TCEA2: variants seen among roughly 807,000 people sequenced by gnomAD.
The protein encoded by TCEA2 is transcription elongation factor A2, also known as transcription elongation factor A protein 2.
Under a neutral mutation model 40.8 loss-of-function variants are expected in TCEA2, and 21 were observed. The observed-to-expected ratio is 0.51, with a 90% CI of 0.36 to 0.74. The LOEUF is 0.74. TCEA2 is among the 30% of genes least tolerant of loss of function. TCEA2 has a pLI of 0.00. For missense variants in TCEA2, 326 were observed against 426.5 expected (o/e 0.76, Z 2.08); for synonymous variants, 165 against 162.7 (o/e 1.01, Z -0.11).
intron 1 of TCEA2, chr20:64,065,536 AGGGAGG>A (rs890266061): frequency 3.1e-5 from 3 of 96,438 alleles, no homozygotes; most frequent in Non-Finnish European, 6.4e-5. Flanking sequence ...CCCGGGAGGG[AGGGAGG>A]GAGGGAGGGA....
Position 64,068,044 on chromosome 20 carries a change from C to A in TCEA2, c.242-3C>A. ...ATCAGCCCATCCCCGATCTTTCCTG[C>A]AGATGCTTCCGATGCCAAAGCCAGG... On this transcript the variant is annotated splice_polypyrimidine_tract_variant and splice_region_variant and intron_variant, in intron 3 of 9. Transcript: ENST00000343484. 1.2e-6 allele frequency: 2 copies of A among 1,604,112 alleles called. No individual in the cohort carries two copies. The highest frequency in any genetic ancestry group is 1.3e-5 in the African/African-American group (1 of 74,812).
At chr20:64,061,619 C>T (rs550825286), upstream of TCEA2, among the ~76,000 whole-genome samples, 2 of 152,240 alleles carry the variant, frequency 1.3e-5, no homozygotes, top group African/African-American at 4.8e-5. Context: ...CCATGTTGGC[C>T]AGGCTGGTCT....
upstream of TCEA2, chr20:64,057,211 G>T (rs2059483641): frequency 6.6e-6 from 1 of 152,254 alleles, no homozygotes; most frequent in Admixed American, 6.5e-5. Flanking sequence ...CCTGGAGCGG[G>T]TGAGTGAACG....
upstream of TCEA2, among the ~76,000 whole-genome samples, chr20:64,055,792 G>T (rs924277691): frequency 1.3e-5 from 2 of 152,110 alleles, no homozygotes; most frequent in Non-Finnish European, 2.9e-5. This position sits in a 1 kb window ranked among gnomAD's most constrained non-coding sequence, Gnocchi z 4.0. Context: ...TGCTTCTGCC[G>T]CGGCGGGAGC....
At chr20:64,066,365 G>A in intron 1 of TCEA2, 111 bp from the exon 2 acceptor site, 1 of 1,373,120 alleles carries the variant, frequency 7.3e-7, no homozygotes, top group Non-Finnish European at 1.0e-6. Flanking sequence ...TTGACCCCAG[G>A]TTGAATCTCC....
At chr20:64,071,842 C>T in intron 8 of TCEA2, 28 bp from the exon 9 acceptor site, 1 of 1,612,466 alleles carries the variant, frequency 6.2e-7, no homozygotes, top group Non-Finnish European at 8.5e-7. Flanking sequence ...ATGGAGGTGA[C>T]CCTGGGTTCA....
At chr20:64,062,384 G>A (rs911132867), upstream of TCEA2, 2 of 152,306 alleles carry the variant, frequency 1.3e-5, no homozygotes, top group African/African-American at 2.4e-5. Context: ...CAACAACAAT[G>A]TCAATGAACA....
At chr20:64,056,915 GC>G (rs1353905463), upstream of TCEA2, 3 of 152,240 alleles carry the variant, frequency 2.0e-5, no homozygotes, top group African/African-American at 7.2e-5. Flanking sequence ...TCAGGACAGG[GC>G]CCCGTTGCCC....
chr20:64,070,254 T>G lies in TCEA2; in HGVS notation c.518-6T>G. ...GTCCTCAGGTGGGTCCTTAAAACAC[T>G]TGCACGCATCTTCCGGGACGTTGGA... is the stretch of plus-strand genomic sequence containing the variant. On this transcript the variant is annotated splice_region_variant and splice_polypyrimidine_tract_variant and intron_variant, in intron 6 of 9. Coordinates refer to ENST00000343484, the MANE Select transcript of TCEA2 (RefSeq NM_003195.6). The G allele has an allele frequency of 6.2e-7, 1 of 1,614,052 alleles. No homozygotes were observed. The highest frequency in any genetic ancestry group is 8.5e-7 in the Non-Finnish European group (1 of 1,179,950).
At chr20:64,062,132 C>G (rs1455817966), upstream of TCEA2, among the ~76,000 whole-genome samples, 2 of 152,228 alleles carry the variant, frequency 1.3e-5, no homozygotes, top group Non-Finnish European at 2.9e-5. Flanking sequence ...AATGCTCAGC[C>G]CATTCCACCT....
intron 1 of TCEA2, 29 bp from the exon 2 acceptor site, chr20:64,066,447 C>T (rs781518434): frequency 3.7e-6 from 6 of 1,612,196 alleles, no homozygotes; most frequent in Non-Finnish European, 5.1e-6. Flanking sequence ...ATCTAAAGTC[C>T]TTTATGAAGG....
chr20:64,069,384 G>C lies in TCEA2; in HGVS notation c.353G>C (p.Arg118Thr), dbSNP rs2059771546. ...AGCCGCAAGAGGCCGGAGCTGCCCA[G>C]GGCACCGTCGACTCCGAGGATCACC... ...DPSRKRPELPRAPSTPRITTF... is the reference protein window; with the variant it reads ...DPSRKRPELPTAPSTPRITTF... Residue 118 changes from arginine to threonine, a missense_variant, in exon 5 of 10, where the codon AGG becomes ACG. Coordinates refer to ENST00000343484, the MANE Select transcript of TCEA2 (RefSeq NM_003195.6). 1.2e-6 allele frequency: 2 copies of C among 1,601,056 alleles called. No homozygotes were observed. Among genetic ancestry groups the C allele is most frequent in the Admixed American group, 1.7e-5 (1 of 58,066 alleles).
chr20:64,066,737 T>C (rs889928552), intron 2 of TCEA2, among the ~76,000 whole-genome samples, 178 bp from the exon 3 acceptor site: 2 of 152,224 alleles, frequency 1.3e-5, no homozygotes, highest in African/African-American at 4.8e-5. Flanking sequence ...TAACCCATCT[T>C]GTCCTCCGTG....
In TCEA2 at chr20:64,069,346, C is replaced by T. The variant is rs1307942843; in HGVS notation, c.330-15C>T. 1.3e-6 allele frequency: 2 copies of T among 1,565,560 alleles called. No homozygotes were observed. The highest frequency in any genetic ancestry group is 1.9e-5 in the Admixed American group (1 of 52,760). ...AGCCTTGAGTCTGAACCCAGCTGGC[C>T]CTGGCTCTCTGCAGCCGCAAGAGGC... On this transcript the variant is annotated splice_polypyrimidine_tract_variant and intron_variant, in intron 4 of 9. Coordinates refer to ENST00000343484, the MANE Select transcript of TCEA2 (RefSeq NM_003195.6).
At chr20:64,072,091 CT>C in intron 9 of TCEA2, 80 bp from the exon 10 acceptor site, 1 of 1,601,686 alleles carries the variant, frequency 6.2e-7, no homozygotes, top group Non-Finnish European at 8.5e-7. Context: ...AGAGCCCAGC[CT>C]TGGGTGAGCC....
rs2059843636 is a variant in TCEA2 at position 64,071,784 on chromosome 20, G to A, written c.820-86G>A. The A allele has an allele frequency of 1.3e-6, 2 of 1,504,776 alleles. 1 individual carries two copies. Among genetic ancestry groups the A allele is most frequent in the South Asian group, 2.5e-5 (2 of 81,150 alleles). The allele number at this position is 1,504,776 out of a possible 1,614,324, so 93.2% of individuals were successfully genotyped here. On this transcript the variant is annotated intron_variant, in intron 8 of 9. Coordinates refer to ENST00000343484, the MANE Select transcript of TCEA2 (RefSeq NM_003195.6). ...GGTCACCTGTGGGAGCTCAGTGGCT[G>A]CGAGGCCCGCACTGCCCATGTTGAG...
upstream of TCEA2, among the ~76,000 whole-genome samples, chr20:64,058,683 A>T (rs981570877): frequency 7.2e-5 from 11 of 152,210 alleles, no homozygotes; most frequent in African/African-American, 2.4e-4. The surrounding 1 kb of genome is among the most constrained non-coding windows in gnomAD (Gnocchi z 6.7). Flanking sequence ...ATATTTTCTT[A>T]AAGTGTGATA....
upstream of TCEA2, among the ~76,000 whole-genome samples, chr20:64,060,999 C>T (rs2059552039): frequency 6.6e-6 from 1 of 151,152 alleles, no homozygotes; most frequent in South Asian, 2.1e-4. Context: ...CGGGGTTTCA[C>T]CCTGTTGCCC....
Position 64,072,203 on chromosome 20 carries a change from G to C in TCEA2, c.*23G>C. The C allele has an allele frequency of 6.2e-7, 1 of 1,608,242 alleles. No homozygotes were observed. The highest frequency in any genetic ancestry group is 8.5e-7 in the Non-Finnish European group (1 of 1,175,914). ...TGACCCCTCGTGTAGATGTGCTGCA[G>C]CCTTGGGCCCTCCCCGGCCCACGTC... is the stretch of plus-strand genomic sequence containing the variant. On this transcript the variant is annotated 3_prime_UTR_variant, in exon 10 of 10. Transcript: ENST00000343484.
Sources: gnomAD v4.1 joint callset for allele counts (sites outside exome capture counted in the v4.1 genomes callset) on GRCh38, gnomAD v4.1.1 for gene constraint, Gnocchi (gnomAD v3.1) non-coding constraint, MANE v1.5 for transcripts, NCBI Gene and HGNC (gene_info 2026-07-23, HGNC 2026-07-21) for gene names.